Variants in ANGEL2 observed in about 807,000 individuals in gnomAD.
The protein encoded by ANGEL2 is angel homolog 2, also known as RNA 2',3'-cyclic phosphatase ANGEL2.
Under a neutral mutation model 66.0 loss-of-function variants are expected in ANGEL2, and 41 were observed. The observed-to-expected ratio is 0.62, with a 90% confidence interval of 0.48 to 0.81. The LOEUF is 0.81. ANGEL2 is among the 30% of genes least tolerant of loss of function. The pLI is 0.00. For missense variants in ANGEL2, 561 were observed against 641.6 expected (o/e 0.87, Z 1.36); for synonymous variants, 208 against 226.5 (o/e 0.92, Z 0.73).
At chr1:213,000,538 G>A (rs767369609) in intron 6 of ANGEL2, 155 bp from the exon 7 acceptor site, 48 of 775,516 alleles carry the variant, frequency 6.2e-5, no homozygotes, top group Non-Finnish European at 8.9e-5. Context: ...ATGGCCTCCA[G>A]AATTAGGAAA....
chr1:212,996,467 C>T (rs572751972), intron 8 of ANGEL2, among the ~76,000 whole-genome samples: 2 of 149,678 alleles, frequency 1.3e-5, no homozygotes, highest in South Asian at 4.2e-4. Flanking sequence ...ACAAAAAATA[C>T]AAAAATTAGG....
Position 213,005,270 on chromosome 1 carries a change from A to G in ANGEL2, c.897T>C (p.Ala299=). 6.2e-7 allele frequency: 1 copy of G among 1,614,260 alleles called. No individual in the cohort carries two copies. Among genetic ancestry groups the G allele is most frequent in the Non-Finnish European group, 8.5e-7 (1 of 1,180,048 alleles). Residue 299 remains alanine (A), a synonymous_variant, in exon 5 of 9, where the codon GCT becomes GCC. Coordinates refer to ENST00000366962, the MANE Select transcript of ANGEL2 (RefSeq NM_144567.5). The part of the protein sequence containing the change: ...VLLLQPKIPY[A]ACPAICVANT... The stretch of plus-strand genomic sequence containing the variant: ...TTGCTACGCAGATTGCAGGGCAGGC[A>G]GCATATGGAATTTTGGGCTGTAAGA...
intron 7 of ANGEL2, among the ~76,000 whole-genome samples, chr1:212,997,957 A>AT (rs1319337011): frequency 1.2e-4 from 19 of 152,200 alleles, no homozygotes; most frequent in Non-Finnish European, 2.2e-4. Context: ...TCTAGGCAAT[A>AT]TGTCAGGTGC....
At position 213,000,958 on chromosome 1, in the gene ANGEL2, A is replaced by G. The variant is rs747956171; in HGVS notation, c.1135-46T>C. ...TATCTTAAGTGAAAAGATTTTAAAT[A>G]GCTTATGAGTTGAAAAATTTATGTC... On this transcript the variant is annotated intron_variant, in intron 5 of 8. Transcript: ENST00000366962. The G allele has an allele frequency of 1.9e-6, 3 of 1,577,914 alleles. No homozygotes were observed. In the Admixed American group the frequency reaches 5.9e-5, roughly 31 times the overall value.
Position 213,008,195 on chromosome 1 carries a change from A to C in ANGEL2, c.642+15T>G. The C allele has an allele frequency of 1.2e-6, 2 of 1,603,904 alleles. No individual in the cohort carries two copies. Among genetic ancestry groups the C allele is most frequent in the East Asian group, 4.5e-5 (2 of 44,690 alleles). ...TTTTCTTATGTGAAGAATTTCAATA[A>C]TATTTTGCACTTACGTCTGCATCAA... On this transcript the variant is annotated intron_variant, in intron 3 of 8. Coordinates refer to ENST00000366962, the MANE Select transcript of ANGEL2 (RefSeq NM_144567.5).
rs764493794 is a variant in ANGEL2 at position 213,000,871 on chromosome 1, T to C, written c.1176A>G (p.Leu392=). 7.4e-6 allele frequency: 12 copies of C among 1,612,880 alleles called. No homozygotes were observed. The highest frequency in any genetic ancestry group is 1.1e-5 in the South Asian group (1 of 90,804). ...GGTTTGGGGGCCAAATTGGAATAGA[T>C]AAAATTCTTTGTCCCCGTGAAGACT... ...QEQSSRGQRI[L]SIPIWPPNLG... The change falls in exon 6 of 9, where the codon TTA becomes TTG. Residue 392 remains leucine (L), a synonymous_variant. Coordinates refer to ENST00000366962, the MANE Select transcript of ANGEL2 (RefSeq NM_144567.5).
chr1:213,005,032 C>G lies in ANGEL2; in HGVS notation c.1134+1G>C. 6.5e-7 allele frequency: 1 copy of G among 1,542,108 alleles called. No individual in the cohort carries two copies. Among genetic ancestry groups the G allele is most frequent in the African/African-American group, 1.4e-5 (1 of 72,802 alleles). Reference sequence around the variant, plus strand: ...CTAATAACAATGAAGAAAGCACTTACCTTTCCTATGGGAAGTCCTTCATAA... The same window carrying G: ...CTAATAACAATGAAGAAAGCACTTAGCTTTCCTATGGGAAGTCCTTCATAA... On this transcript the variant is annotated splice_donor_variant, in intron 5 of 8. Transcript: ENST00000366962. LOFTEE classifies it high-confidence loss of function.
At chr1:212,997,044 C>T in intron 8 of ANGEL2, 111 bp downstream of exon 8, 5 of 979,578 alleles carry the variant, frequency 5.1e-6, no homozygotes, top group Non-Finnish European at 6.0e-6. Context: ...ATATTTTTAC[C>T]TTCTAGATCT....
chr1:212,997,667 C>T (rs1016753691), intron 7 of ANGEL2, among the ~76,000 whole-genome samples: 25 of 152,136 alleles, frequency 1.6e-4, no homozygotes, highest in Admixed American at 1.2e-3. Flanking sequence ...TCTTCAGGAA[C>T]ACTATTTGGA....
intron 8 of ANGEL2, among the ~76,000 whole-genome samples, chr1:212,996,638 AAAATATATATATAT>A (rs2076023371): frequency 3.8e-5 from 2 of 53,160 alleles, no homozygotes; most frequent in African/African-American, 9.5e-5. Flanking sequence ...AAAAAAAAAA[AAAATATATATATAT>A]ATATATATAT....
intron 1 of ANGEL2, chr1:213,015,321 G>C: frequency 7.5e-7 from 1 of 1,338,784 alleles, no homozygotes; most frequent in Non-Finnish European, 9.6e-7. Flanking sequence ...CTGGGTTGGG[G>C]GAAGCAGGCC....
chr1:212,996,121 C>T (rs1447677354), intron 8 of ANGEL2, among the ~76,000 whole-genome samples: 7 of 152,090 alleles, frequency 4.6e-5, no homozygotes, highest in African/African-American at 1.7e-4. Context: ...TCCTGGCCAA[C>T]ACGGTGAAAT....
chr1:213,001,070 T>C (rs1035090266), intron 5 of ANGEL2, 158 bp from the exon 6 acceptor site: 48 of 653,468 alleles, frequency 7.3e-5, no homozygotes, highest in Non-Finnish European at 3.4e-5. Context: ...AATCTTCTTT[T>C]CTTTAAATAC....
intron 1 of ANGEL2, among the ~76,000 whole-genome samples, chr1:213,013,916 A>G (rs1006964284): frequency 7.9e-5 from 12 of 152,352 alleles, no homozygotes; most frequent in South Asian, 6.2e-4. Context: ...AAACACTTGT[A>G]TAGTTAGGAA....
Position 212,995,182 on chromosome 1 carries a change from A to G in ANGEL2, c.1494T>C (p.Val498=), listed in dbSNP as rs1273558904. 6.2e-7 allele frequency: 1 copy of G among 1,603,718 alleles called. No homozygotes were observed. The highest frequency in any genetic ancestry group is 1.3e-5 in the African/African-American group (1 of 74,570). ...GAAGTTTCAAGCCACCAACCAAAGC[A>G]ACTTCAGCTCCTACATTAAAGAAGC... ...EDVAGHPGAE[V]ALVGGLKLLA... Residue 498 remains valine, a synonymous_variant, in exon 9 of 9, where the codon GTT becomes GTC. Transcript: ENST00000366962.
In ANGEL2 at chr1:212,993,742, A is replaced by C. The variant is rs566011001; in HGVS notation, c.*1299T>G. 10 of 152,258 alleles carry C rather than the reference A, an allele frequency of 6.6e-5. No homozygotes were observed. The highest frequency in any genetic ancestry group is 1.3e-4 in the Non-Finnish European group (9 of 68,042). 9.4% of individuals were successfully genotyped at this position (152,258 alleles called of 1,614,324 possible). A position where few individuals can be genotyped will look rare whatever the true frequency, so the allele number is the denominator to read the frequency against. ...CATACTGGTGCATCACGGTAAAAGAAAACATTTTAGAAACAAAACCACTAA... is the reference window on the plus strand; with the variant it reads ...CATACTGGTGCATCACGGTAAAAGACAACATTTTAGAAACAAAACCACTAA... On this transcript the variant is annotated 3_prime_UTR_variant, in exon 9 of 9. Coordinates refer to ENST00000366962, the MANE Select transcript of ANGEL2 (RefSeq NM_144567.5).
chr1:212,996,030 G>A (rs535080920), intron 8 of ANGEL2, among the ~76,000 whole-genome samples: 11 of 152,228 alleles, frequency 7.2e-5, no homozygotes, highest in Admixed American at 1.3e-4. Flanking sequence ...ATTTTCGGCC[G>A]GGCACAGTGG....
chr1:213,015,740 G>C lies in ANGEL2; in HGVS notation c.-69C>G. 6.2e-7 allele frequency: 1 copy of C among 1,605,044 alleles called. No individual in the cohort carries two copies. The highest frequency in any genetic ancestry group is 1.7e-5 in the Admixed American group (1 of 59,934). On this transcript the variant is annotated 5_prime_UTR_variant, in exon 1 of 9. Transcript: ENST00000366962. ...CCTCAATCTCTATAATCGATGCGAC[G>C]GCCTAAAGTATCTAGGGAACCCCAT...
At chr1:213,004,940 A>G in intron 5 of ANGEL2, 93 bp downstream of exon 5, 5 of 989,056 alleles carry the variant, frequency 5.1e-6, no homozygotes, top group East Asian at 2.6e-5. Flanking sequence ...GGATCATCCA[A>G]GGTTTTCAAA....
Sources: gnomAD v4.1 joint callset for allele counts (sites outside exome capture counted in the v4.1 genomes callset) on GRCh38, gnomAD v4.1.1 for gene constraint, MANE v1.5 for transcripts, NCBI Gene and HGNC (gene_info 2026-07-23, HGNC 2026-07-21) for gene names.